TMEM230: variants seen among roughly 807,000 people sequenced by gnomAD.
TMEM230 encodes UPF0414 transmembrane protein C20orf30.
Under a neutral mutation model 15.8 loss-of-function variants are expected in TMEM230, and 10 were observed. The ratio of observed to expected loss-of-function variants is 0.63; its 90% CI spans 0.39 to 1.07. TMEM230 has a LOEUF of 1.07. Ranked by LOEUF, TMEM230 falls within the 50% of genes least tolerant of loss-of-function variation. The pLI, the probability that TMEM230 is intolerant of heterozygous loss-of-function variation, is 0.01. For missense variants in TMEM230, 165 were observed against 193.3 expected, an observed-to-expected ratio of 0.85 and a Z score of 0.87; for synonymous variants, 67 against 76.9, an observed-to-expected ratio of 0.87 and a Z score of 0.68.
intron 4 of TMEM230, among the ~76,000 whole-genome samples, chr20:5,103,240 T>C (rs149776321): frequency 0.023 from 3,554 of 151,946 alleles, 139 homozygotes; most frequent in African/African-American, 0.081. Context: ...GGCAGGAGGA[T>C]TGCTTGAGCC....
chr20:5,112,621 C>T, intron 1 of TMEM230: 1 of 1,165,512 alleles, frequency 8.6e-7, no homozygotes, highest in Non-Finnish European at 1.1e-6. Context: ...GGCTTTTTAC[C>T]AGCTCACCGC....
downstream of TMEM230, among the ~76,000 whole-genome samples, chr20:5,096,336 C>T (rs1375696995): frequency 6.6e-6 from 1 of 152,196 alleles, no homozygotes; most frequent in African/African-American, 2.4e-5. Flanking sequence ...CTCACAATCA[C>T]CTTGTGAGGT....
intron 3 of TMEM230, among the ~76,000 whole-genome samples, chr20:5,094,669 G>A (rs1185529400): frequency 1.5e-5 from 2 of 130,964 alleles, no homozygotes; most frequent in South Asian, 5.4e-4. Context: ...ATCCCGCCAC[G>A]GCACTCCAGC....
At chr20:5,065,530 G>C (rs1238787357), downstream of TMEM230, among the ~76,000 whole-genome samples, 3 of 152,090 alleles carry the variant, frequency 2.0e-5, no homozygotes, top group Admixed American at 2.0e-4. Context: ...AGCCAGCAGG[G>C]GAGAAGTGGC....
chr20:5,060,818 A>T, the TMEM230 span, among the ~76,000 whole-genome samples: 3 of 152,174 alleles, frequency 2.0e-5, no homozygotes, highest in Non-Finnish European at 4.4e-5. Flanking sequence ...TATTACATGC[A>T]GTACTTCTAT....
At chr20:5,067,033 C>T (rs974280354), downstream of TMEM230, among the ~76,000 whole-genome samples, 6 of 152,016 alleles carry the variant, frequency 3.9e-5, no homozygotes, top group Non-Finnish European at 7.4e-5. Context: ...GAAAGGACTC[C>T]AAGTAGTGGA....
chr20:5,098,071 G>A (rs927971233), downstream of TMEM230, among the ~76,000 whole-genome samples: 2 of 144,120 alleles, frequency 1.4e-5, no homozygotes, highest in African/African-American at 2.5e-5. Context: ...TTAGCCTGCC[G>A]GGTTCAAGCA....
intron 1 of TMEM230, chr20:5,112,605 C>G: frequency 2.0e-6 from 2 of 1,002,200 alleles, no homozygotes; most frequent in Non-Finnish European, 2.6e-6. Context: ...GTCTTCGTTG[C>G]CAACAGGCTT....
chr20:5,110,624 A>T (rs1435487553), intron 2 of TMEM230, among the ~76,000 whole-genome samples: 2 of 152,162 alleles, frequency 1.3e-5, no homozygotes, highest in African/African-American at 4.8e-5. Flanking sequence ...TGCCTCCAGA[A>T]GCGCCCACCT....
downstream of TMEM230, among the ~76,000 whole-genome samples, chr20:5,067,049 G>A (rs1429011274): frequency 6.6e-6 from 1 of 152,162 alleles, no homozygotes; most frequent in Non-Finnish European, 1.5e-5. Context: ...GTGGAGAAGT[G>A]AGAAACGGCG....
chr20:5,078,997 G>A (rs938511051), intron 3 of TMEM230, among the ~76,000 whole-genome samples: 1 of 152,132 alleles, frequency 6.6e-6, no homozygotes, highest in African/African-American at 2.4e-5. Context: ...TATTAAACAA[G>A]CTATCCTTTC....
At chr20:5,105,260 T>C (rs936699111) in intron 4 of TMEM230, among the ~76,000 whole-genome samples, 2 of 152,120 alleles carry the variant, frequency 1.3e-5, no homozygotes, top group Non-Finnish European at 2.9e-5. Context: ...CACTCCAGCC[T>C]GGGTGACAGA....
At chr20:5,083,973 C>G (rs1347323117) in intron 3 of TMEM230, among the ~76,000 whole-genome samples, 1 of 151,962 alleles carries the variant, frequency 6.6e-6, no homozygotes, top group Admixed American at 6.6e-5. Flanking sequence ...GAGCATAGTA[C>G]CTGAAAGGTA....
chr20:5,109,983 A>G (rs148819767), intron 2 of TMEM230, among the ~76,000 whole-genome samples: 331 of 152,314 alleles, frequency 2.2e-3, no homozygotes, highest in African/African-American at 7.5e-3. Context: ...TCCCCTTGAT[A>G]GAGATCAACC....
At chr20:5,106,654 G>A (rs2090108043) in intron 3 of TMEM230, among the ~76,000 whole-genome samples, 1 of 152,078 alleles carries the variant, frequency 6.6e-6, no homozygotes, top group Non-Finnish European at 1.5e-5. Flanking sequence ...TGATCCGCCC[G>A]CCTCGGCCTC....
At chr20:5,074,766 C>T (rs1263625667) in intron 3 of TMEM230, among the ~76,000 whole-genome samples, 1 of 152,050 alleles carries the variant, frequency 6.6e-6, no homozygotes, top group Non-Finnish European at 1.5e-5. Context: ...TAGTGAGATC[C>T]TGTCTCTATA....
intron 4 of TMEM230, among the ~76,000 whole-genome samples, chr20:5,101,303 T>C (rs1223482977): frequency 6.6e-6 from 1 of 152,240 alleles, no homozygotes; most frequent in African/African-American, 2.4e-5. Flanking sequence ...CAGTTTTACC[T>C]AACTGCCCCA....
At chr20:5,080,865 A>G (rs2089156847) in intron 3 of TMEM230, among the ~76,000 whole-genome samples, 1 of 152,180 alleles carries the variant, frequency 6.6e-6, no homozygotes, top group African/African-American at 2.4e-5. Flanking sequence ...GAAATAGCAG[A>G]TGAGGCGAGT....
chr20:5,110,159 C>T (rs1486046564), intron 2 of TMEM230, among the ~76,000 whole-genome samples: 2 of 150,798 alleles, frequency 1.3e-5, no homozygotes, highest in Non-Finnish European at 3.0e-5. Flanking sequence ...CAGGTTCAAA[C>T]GATTCTCCTG....
Sources: allele counts gnomAD v4.1 joint callset (sites outside exome capture counted in the v4.1 genomes callset), GRCh38; gene constraint gnomAD v4.1.1; transcripts MANE v1.5; gene names NCBI Gene and HGNC (gene_info 2026-07-23, HGNC 2026-07-21).